The following SNTG2 variants were observed in gnomAD, a reference collection of about 807,000 sequenced individuals.
SNTG2 encodes gamma-2-syntrophin.
SNTG2 carries 74 observed loss-of-function variants against 70.9 expected under a neutral mutation model. That is an observed-to-expected ratio of 1.04 (90% confidence interval 0.86 to 1.27). The LOEUF is 1.27. Ranked by LOEUF, SNTG2 falls within the 50% of genes most tolerant of loss-of-function variation. SNTG2 has a pLI of 0.00. For missense variants in SNTG2, 717 were observed against 690.7 expected (o/e 1.04, Z -0.43); for synonymous variants, 278 against 273.8 (o/e 1.02, Z -0.15).
intron 1 of SNTG2, among the ~76,000 whole-genome samples, chr2:1,030,280 C>T (rs865960558): frequency 6.6e-6 from 1 of 152,122 alleles, no homozygotes; most frequent in African/African-American, 2.4e-5. Flanking sequence ...GTGTTAGAGA[C>T]GTGCTTCGTG....
intron 1 of SNTG2, among the ~76,000 whole-genome samples, chr2:960,894 T>C (rs73908626): frequency 0.04 from 6,039 of 152,260 alleles, 400 homozygotes; most frequent in African/African-American, 0.14. Flanking sequence ...GCTCATGGTC[T>C]TGGGACTCCT....
intron 16 of SNTG2, among the ~76,000 whole-genome samples, chr2:1,336,263 T>G (rs1659811330): frequency 6.6e-6 from 1 of 152,196 alleles, no homozygotes; most frequent in Admixed American, 6.5e-5. Flanking sequence ...CTGTCTGTCT[T>G]CTTTTGGGAA....
intron 14 of SNTG2, among the ~76,000 whole-genome samples, chr2:1,277,492 C>G (rs527740167): frequency 6.6e-6 from 1 of 152,312 alleles, no homozygotes; most frequent in Admixed American, 6.5e-5. Flanking sequence ...ACTTCTTAGA[C>G]ATAATGCTTT....
rs956813872 is a variant in SNTG2 at position 1,313,167 on chromosome 2, G to A, written c.1378-3098G>A. On this transcript the variant is annotated intron_variant, in intron 15 of 16. Coordinates refer to ENST00000308624, the MANE Select transcript of SNTG2 (RefSeq NM_018968.4). ...TCAGAATGTGTTCCAAAGGAAGTGAGATGTGATTATCATCTTTAACAACCT... is the reference window on the plus strand; with the variant it reads ...TCAGAATGTGTTCCAAAGGAAGTGAAATGTGATTATCATCTTTAACAACCT... Among the ~76,000 whole-genome samples the A allele has an allele frequency of 2.6e-5, 4 of 152,222 alleles. No homozygotes were observed. The East Asian group carries it at 7.7e-4, about 29-fold the overall frequency.
At chr2:1,328,932 TTCAC>T (rs1341808814) in intron 16 of SNTG2, among the ~76,000 whole-genome samples, 3 of 151,472 alleles carry the variant, frequency 2.0e-5, no homozygotes, top group East Asian at 3.9e-4. Flanking sequence ...CACGCACAGA[TTCAC>T]ACATGCACAT....
intron 14 of SNTG2, among the ~76,000 whole-genome samples, chr2:1,301,275 G>T (rs147534644): frequency 3.5e-3 from 529 of 152,250 alleles, no homozygotes; most frequent in Non-Finnish European, 6.0e-3. Flanking sequence ...CACTGTGGTT[G>T]TCACTGCTTA....
At chr2:967,205 T>C (rs1204067190) in intron 1 of SNTG2, among the ~76,000 whole-genome samples, 1 of 152,194 alleles carries the variant, frequency 6.6e-6, no homozygotes, top group Non-Finnish European at 1.5e-5. Flanking sequence ...ACTGGTACTC[T>C]TTTTCTTTTT....
intron 4 of SNTG2, among the ~76,000 whole-genome samples, chr2:1,115,162 T>C (rs182498363): frequency 4.6e-5 from 7 of 151,808 alleles, no homozygotes; most frequent in African/African-American, 1.7e-4. Flanking sequence ...GGATCGTGTG[T>C]GCCAAGTGAG....
chr2:1,205,692 A>G (rs1263121646), intron 8 of SNTG2, among the ~76,000 whole-genome samples: 1 of 152,182 alleles, frequency 6.6e-6, no homozygotes, highest in Non-Finnish European at 1.5e-5. Flanking sequence ...CTGCCAGTAC[A>G]GGCTCCCCCT....
intron 1 of SNTG2, among the ~76,000 whole-genome samples, chr2:1,078,050 A>G (rs982345784): frequency 6.6e-6 from 1 of 152,176 alleles, no homozygotes; most frequent in Non-Finnish European, 1.5e-5. Flanking sequence ...CATTAAACAC[A>G]TTGTTAGAAT....
chr2:1,161,872 A>G (rs967082739), intron 6 of SNTG2, among the ~76,000 whole-genome samples: 1 of 152,124 alleles, frequency 6.6e-6, no homozygotes, highest in African/African-American at 2.4e-5. Flanking sequence ...CAGGAGATCG[A>G]GACCATCCTG....
chr2:1,316,436 G>T (rs952124944), intron 16 of SNTG2, 61 bp downstream of exon 16: 96 of 822,612 alleles, frequency 1.2e-4, no homozygotes, highest in Non-Finnish European at 3.6e-5. Context: ...CAGCTCAGAG[G>T]GTCCGCTGGT....
At chr2:1,143,885 A>ACC (rs72370046) in intron 6 of SNTG2, among the ~76,000 whole-genome samples, 4,464 of 139,014 alleles carry the variant, frequency 0.032, 234 homozygotes, top group African/African-American at 0.11. Context: ...ACAACAAACA[A>ACC]CCCCCCCCCA....
chr2:1,167,373 A>G (rs1437791392), intron 7 of SNTG2, among the ~76,000 whole-genome samples: 3 of 149,942 alleles, frequency 2.0e-5, no homozygotes, highest in African/African-American at 4.9e-5. Context: ...CCGCCCACGG[A>G]TGGCAGAACT....
intron 11 of SNTG2, 25 bp downstream of exon 11, chr2:1,239,801 T>C: frequency 6.2e-7 from 1 of 1,609,762 alleles, no homozygotes; most frequent in Middle Eastern, 1.7e-4. Context: ...TTCTGCTTCA[T>C]GATGTAACAC....
At chr2:1,112,645 A>C (rs1304574861) in intron 4 of SNTG2, among the ~76,000 whole-genome samples, 1 of 151,220 alleles carries the variant, frequency 6.6e-6, no homozygotes, top group Non-Finnish European at 1.5e-5. Context: ...AATCATGTGT[A>C]CTAAGTGAGG....
intron 1 of SNTG2, among the ~76,000 whole-genome samples, chr2:1,055,223 T>A (rs984323088): frequency 6.6e-6 from 1 of 152,156 alleles, no homozygotes; most frequent in Non-Finnish European, 1.5e-5. Flanking sequence ...GTGAGAGGAG[T>A]GGGAATGTGA....
intron 7 of SNTG2, among the ~76,000 whole-genome samples, chr2:1,167,374 T>C (rs1321606962): frequency 1.2e-3 from 108 of 93,720 alleles, no homozygotes; most frequent in Admixed American, 1.9e-3. Flanking sequence ...CGCCCACGGA[T>C]GGCAGAACTG....
intron 4 of SNTG2, among the ~76,000 whole-genome samples, chr2:1,106,700 G>T (rs202034991): frequency 2.7e-5 from 2 of 73,630 alleles, no homozygotes; most frequent in Non-Finnish European, 2.8e-5. Context: ...TAGTGGATGC[G>T]TGCTGTCACT....
Sources: gnomAD v4.1 joint callset for allele counts (sites outside exome capture counted in the v4.1 genomes callset) on GRCh38, gnomAD v4.1.1 for gene constraint, MANE v1.5 for transcripts, NCBI Gene and HGNC (gene_info 2026-07-23, HGNC 2026-07-21) for gene names.